TAF1B: variants seen among roughly 807,000 people sequenced by gnomAD.
TAF1B encodes the protein TATA-box binding protein associated factor, RNA polymerase I subunit B, also known as TATA box-binding protein-associated factor RNA polymerase I subunit B.
Under a neutral mutation model 83.9 loss-of-function variants are expected in TAF1B, and 61 were observed. That is an observed-to-expected ratio of 0.73 (90% CI 0.59 to 0.90). The LOEUF is 0.90. Among genes scored for constraint, TAF1B ranks in the 40% least tolerant of loss-of-function variants. TAF1B has a pLI of 0.00. For synonymous variants in TAF1B, 221 were observed against 224.6 expected (o/e 0.98, Z 0.14); for missense variants, 625 against 677.0 (o/e 0.92, Z 0.85).
At chr2:9,908,106 CGT>C (rs57387532) in intron 9 of TAF1B, among the ~76,000 whole-genome samples, 72,623 of 130,642 alleles carry the variant, frequency 0.56, 21,701 homozygotes, top group Non-Finnish European at 0.68. Context: ...AGTGTAATGG[CGT>C]GATCTCCGCT....
intron 5 of TAF1B, among the ~76,000 whole-genome samples, 153 bp from the exon 6 acceptor site, chr2:9,868,123 G>A (rs1197654017): frequency 8.5e-5 from 13 of 152,140 alleles, no homozygotes; most frequent in Admixed American, 8.5e-4. Context: ...GCTGTCAGGA[G>A]CGTGTTTCAG....
At chr2:9,873,781 C>CT (rs1664240501) in intron 6 of TAF1B, among the ~76,000 whole-genome samples, 1 of 151,842 alleles carries the variant, frequency 6.6e-6, no homozygotes, top group Admixed American at 6.6e-5. Context: ...CCTTTAAAAT[C>CT]TATCTAGAAT....
At chr2:9,906,774 C>G (rs1392171190) in intron 9 of TAF1B, among the ~76,000 whole-genome samples, 2 of 152,010 alleles carry the variant, frequency 1.3e-5, no homozygotes, top group Non-Finnish European at 2.9e-5. Flanking sequence ...CTATTTCTAC[C>G]TTAGGGTAAC....
intron 8 of TAF1B, among the ~76,000 whole-genome samples, chr2:9,898,310 C>T (rs1265255392): frequency 1.3e-5 from 2 of 152,134 alleles, no homozygotes; most frequent in Non-Finnish European, 2.9e-5. Context: ...TTTTCGTAAG[C>T]ATCTTGCAAG....
intron 7 of TAF1B, among the ~76,000 whole-genome samples, chr2:9,881,349 T>G (rs552269939): frequency 1.3e-5 from 2 of 151,288 alleles, no homozygotes; most frequent in Non-Finnish European, 3.0e-5. Context: ...AAAAAAAAAG[T>G]GTTGAATCAG....
intron 7 of TAF1B, among the ~76,000 whole-genome samples, chr2:9,882,298 C>T (rs1371889948): frequency 6.6e-6 from 1 of 152,098 alleles, no homozygotes; most frequent in African/African-American, 2.4e-5. Flanking sequence ...CGGGGTTTCA[C>T]CATATTGGCC....
rs1475417900 is a variant in TAF1B at position 9,911,559 on chromosome 2, T to A, written c.1180+2T>A. 7 of 1,515,454 alleles carry A rather than the reference T, an allele frequency of 4.6e-6. No individual in the cohort carries two copies. Among genetic ancestry groups the A allele is most frequent in the Non-Finnish European group, 5.3e-6 (6 of 1,123,588 alleles). 93.9% of individuals were successfully genotyped at this position (1,515,454 alleles called of 1,614,324 possible). ...AGCATAATGAAAAGAACAAAAAAGG[T>A]ATTTTAATTTTTTATCATTCAAATT... On this transcript the variant is annotated splice_donor_variant, in intron 11 of 14. Coordinates refer to ENST00000263663, the MANE Select transcript of TAF1B (RefSeq NM_005680.3). LOFTEE classifies it high-confidence loss of function.
chr2:9,913,214 T>C lies in TAF1B; in HGVS notation c.1236T>C (p.Asp412=). 6.2e-7 allele frequency: 1 copy of C among 1,613,156 alleles called. No homozygotes were observed. Among genetic ancestry groups the C allele is most frequent in the Non-Finnish European group, 8.5e-7 (1 of 1,179,710 alleles). ...ACCAAATTATGAAGAAAGCTTTTGA[T>C]GAGAAAAAACAAAAATGGGAAGAAG... ...KWYQIMKKAF[D]EKKQKWEEAR... Residue 412 remains aspartate, a synonymous_variant, in exon 12 of 15, where the codon GAT becomes GAC. Coordinates refer to ENST00000263663, the MANE Select transcript of TAF1B (RefSeq NM_005680.3).
intron 10 of TAF1B, 105 bp from the exon 11 acceptor site, chr2:9,911,406 T>C: frequency 2.4e-6 from 2 of 822,704 alleles, no homozygotes; most frequent in Non-Finnish European, 3.7e-6. Flanking sequence ...AAACATGGTA[T>C]CAATTTCAAA....
chr2:9,856,046 C>G (rs953769994), intron 5 of TAF1B, among the ~76,000 whole-genome samples: 1 of 152,062 alleles, frequency 6.6e-6, no homozygotes, highest in Non-Finnish European at 1.5e-5. Flanking sequence ...GGGAATTTGG[C>G]CCAGTGTTTC....
chr2:9,871,820 A>C (rs551725589), intron 6 of TAF1B, among the ~76,000 whole-genome samples: 1 of 152,046 alleles, frequency 6.6e-6, no homozygotes, highest in African/African-American at 2.4e-5. Context: ...ACTGTTCTGG[A>C]AACTGGGTAG....
At chr2:9,845,092 T>A (rs1663160981) in intron 1 of TAF1B, 128 bp from the exon 2 acceptor site, 2 of 564,058 alleles carry the variant, frequency 3.5e-6, no homozygotes, top group Non-Finnish European at 6.1e-6. Flanking sequence ...CTCTGACATA[T>A]TTTTTATTGT....
At chr2:9,918,593 C>T (rs950172094) in intron 12 of TAF1B, among the ~76,000 whole-genome samples, 1 of 152,164 alleles carries the variant, frequency 6.6e-6, no homozygotes, top group Admixed American at 6.5e-5. Flanking sequence ...TTCCTGGCAT[C>T]AGATGCCAGA....
intron 8 of TAF1B, among the ~76,000 whole-genome samples, chr2:9,896,642 A>G (rs438516): frequency 7.2e-4 from 94 of 130,192 alleles, no homozygotes; most frequent in African/African-American, 2.5e-3. Flanking sequence ...AAAAAAAAAA[A>G]GCTTTAAAAA....
intron 6 of TAF1B, among the ~76,000 whole-genome samples, chr2:9,870,540 G>A (rs1664135504): frequency 6.6e-6 from 1 of 152,100 alleles, no homozygotes; most frequent in South Asian, 2.1e-4. Context: ...TTCCCAAGGG[G>A]CATTCATTTT....
chr2:9,870,171 T>C (rs1652684), intron 6 of TAF1B, among the ~76,000 whole-genome samples: 141,575 of 152,234 alleles, frequency 0.93, 66,710 homozygotes, highest in East Asian at 1. Context: ...AAAAAAATCG[T>C]AAAAATAAAA....
chr2:9,876,691 TA>T (rs1410961564), intron 7 of TAF1B, among the ~76,000 whole-genome samples: 1 of 152,246 alleles, frequency 6.6e-6, no homozygotes, highest in Non-Finnish European at 1.5e-5. Flanking sequence ...CAGCACAAAT[TA>T]GGAACCAAAC....
At chr2:9,909,548 A>G (rs1003236556) in intron 9 of TAF1B, among the ~76,000 whole-genome samples, 2 of 152,132 alleles carry the variant, frequency 1.3e-5, no homozygotes, top group Non-Finnish European at 1.5e-5. Flanking sequence ...TTAGGCTGGG[A>G]GCTAAAAGCT....
At chr2:9,907,219 C>T (rs1383811239) in intron 9 of TAF1B, among the ~76,000 whole-genome samples, 3 of 149,630 alleles carry the variant, frequency 2.0e-5, no homozygotes, top group African/African-American at 7.4e-5. Flanking sequence ...AAAAATAGAT[C>T]TACAAATTAA....
Sources: gnomAD v4.1 joint callset for allele counts (sites outside exome capture counted in the v4.1 genomes callset) on GRCh38, gnomAD v4.1.1 for gene constraint, MANE v1.5 for transcripts, NCBI Gene and HGNC (gene_info 2026-07-23, HGNC 2026-07-21) for gene names.